AKAP11: variants seen among roughly 807,000 people sequenced by gnomAD.
AKAP11 encodes the protein A-kinase anchoring protein 11.
Under a neutral mutation model 146.1 loss-of-function variants are expected in AKAP11, and 36 were observed. That is an observed-to-expected ratio of 0.25 (90% CI 0.19 to 0.33). The LOEUF is 0.33. Among genes scored for constraint, AKAP11 ranks in the 10% least tolerant of loss-of-function variants. The pLI is 1.00. For missense variants in AKAP11, 2,201 were observed against 2,197.0 expected, an observed-to-expected ratio of 1.00 and a Z score of -0.04; for synonymous variants, 780 against 786.5, an observed-to-expected ratio of 0.99 and a Z score of 0.14.
rs74243135 is a variant in AKAP11 at position 42,278,865 on chromosome 13, A to T, written c.-100+6637A>T. Among the ~76,000 whole-genome samples, 9 of 150,714 alleles carry T rather than the reference A, an allele frequency of 6.0e-5. No individual in the cohort carries two copies. The South Asian group carries it at 1.9e-3, about 32-fold the overall frequency. The stretch of plus-strand genomic sequence containing the variant: ...TGGTGAATTTTCACGGCCCTTATTC[A>T]TGTGAATAAATTTATTTTGCCTTAA... On this transcript the variant is annotated intron_variant, in intron 1 of 12. Transcript: ENST00000025301.
chr13:42,292,732 ATTTAT>A (rs1361364744), intron 4 of AKAP11, among the ~76,000 whole-genome samples: 8 of 152,314 alleles, frequency 5.3e-5, no homozygotes, highest in African/African-American at 1.9e-4. Flanking sequence ...AAATGAGCAC[ATTTAT>A]TTTATGCAGA....
chr13:42,303,431 G>C lies in AKAP11; in HGVS notation c.4685G>C (p.Arg1562Pro), dbSNP rs776520088. The C allele has an allele frequency of 1.9e-6, 3 of 1,614,094 alleles. No individual in the cohort carries two copies. Among genetic ancestry groups the C allele is most frequent in the Non-Finnish European group, 2.5e-6 (3 of 1,180,008 alleles). ...LELTLGSTVFRVSETTKSADR... is the reference protein window; with the variant it reads ...LELTLGSTVFPVSETTKSADR... ...CTAACTCTAGGATCTACAGTGTTCC[G>C]AGTGTCTGAGACCACAAAATCAGCA... is the stretch of plus-strand genomic sequence containing the variant. Residue 1562 changes from arginine to proline, a missense_variant, in exon 8 of 13, where the codon CGA (arginine) becomes CCA (proline). Arg to Pro is a moderately radical substitution (Grantham distance 103, BLOSUM62 -2). Transcript: ENST00000025301.
At chr13:42,273,322 A>G (rs933047482) in intron 1 of AKAP11, among the ~76,000 whole-genome samples, 8 of 151,992 alleles carry the variant, frequency 5.3e-5, no homozygotes, top group Admixed American at 4.6e-4. Context: ...AGTGCCTGGC[A>G]TGATTGGTGT....
chr13:42,302,062 C>A lies in AKAP11; in HGVS notation c.3316C>A (p.Leu1106Ile), dbSNP rs902229460. The A allele has an allele frequency of 1.2e-6, 2 of 1,614,150 alleles. No homozygotes were observed. The highest frequency in any genetic ancestry group is 8.5e-7 in the Non-Finnish European group (1 of 1,180,010). Residue 1106 changes from leucine (L) to isoleucine (I), a missense_variant, in exon 8 of 13, where the codon CTA (leucine) becomes ATA (isoleucine). Coordinates refer to ENST00000025301, the MANE Select transcript of AKAP11 (RefSeq NM_016248.4). ...VIPDTPPSTP[L>I]VPSRASSEWD... The stretch of plus-strand genomic sequence containing the variant: ...ACCTGATACTCCTCCATCAACTCCT[C>A]TAGTACCATCCCGGGCTAGTTCTGA...
At chr13:42,285,312 G>A (rs1419357333) in intron 1 of AKAP11, among the ~76,000 whole-genome samples, 1 of 152,152 alleles carries the variant, frequency 6.6e-6, no homozygotes, top group African/African-American at 2.4e-5. Context: ...TCGAGTAGCT[G>A]AGACTGCAGG....
At position 42,317,587 on chromosome 13, in the gene AKAP11, G is replaced by T; in HGVS notation, c.5464G>T (p.Val1822Leu). ...ITNIDMEPCTVDPQLRIILQW... is the reference protein window; with the variant it reads ...ITNIDMEPCTLDPQLRIILQW... ...GAATATTGACATGGAGCCATGCACG[G>T]TAGACCCCCAGCTAAGGATTATTCT... Residue 1822 changes from valine (V) to leucine (L), a missense_variant, in exon 12 of 13, where the codon GTA (valine) becomes TTA (leucine). Val to Leu is a conservative substitution (Grantham distance 32). Coordinates refer to ENST00000025301, the MANE Select transcript of AKAP11 (RefSeq NM_016248.4). The T allele has an allele frequency of 1.2e-6, 2 of 1,614,162 alleles. No individual in the cohort carries two copies. Among genetic ancestry groups the T allele is most frequent in the Non-Finnish European group, 1.7e-6 (2 of 1,180,006 alleles).
intron 12 of AKAP11, among the ~76,000 whole-genome samples, chr13:42,318,521 T>C (rs890593483): frequency 1.5e-4 from 23 of 152,214 alleles, no homozygotes; most frequent in African/African-American, 5.1e-4. Context: ...AACAAAAGCA[T>C]GTCGTGAGTG....
intron 1 of AKAP11, among the ~76,000 whole-genome samples, chr13:42,281,312 C>G (rs1959052823): frequency 6.6e-6 from 1 of 152,140 alleles, no homozygotes; most frequent in South Asian, 2.1e-4. Context: ...AGTACAGATT[C>G]CTATGTTCCA....
At chr13:42,289,622 C>T (rs1959190889) in intron 3 of AKAP11, among the ~76,000 whole-genome samples, 1 of 152,062 alleles carries the variant, frequency 6.6e-6, no homozygotes, top group African/African-American at 2.4e-5. Context: ...GACCTAATTT[C>T]ACCTACTTTA....
rs760338242 is a variant in AKAP11 at position 42,321,658 on chromosome 13, C to T, written c.*2430C>T. The stretch of plus-strand genomic sequence containing the variant: ...CTAAACTTAACTTTCTGTAAAGGCA[C>T]TTTGTGGTTTTTCCAAAGATGTTCT... On this transcript the variant is annotated 3_prime_UTR_variant, in exon 13 of 13. Transcript: ENST00000025301. The T allele has an allele frequency of 4.2e-4, 64 of 152,210 alleles. No individual in the cohort carries two copies. Among genetic ancestry groups the T allele is most frequent in the Non-Finnish European group, 8.5e-4 (58 of 67,984 alleles). 9.4% of individuals were successfully genotyped at this position (152,210 alleles called of 1,614,324 possible). A position where few individuals can be genotyped will look rare whatever the true frequency, so the allele number is the denominator to read the frequency against.
Position 42,303,648 on chromosome 13 carries a change from T to A in AKAP11, c.4902T>A (p.His1634Gln). Residue 1634 changes from histidine (H) to glutamine (Q), a missense_variant, in exon 8 of 13, where the codon CAT (histidine) becomes CAA (glutamine). His to Gln is a conservative substitution (Grantham distance 24, BLOSUM62 0). This residue lies in a region of AKAP11 where 1,867 missense variants were observed against 1,833.5 expected (regional missense o/e 1.02). Transcript: ENST00000025301. ...SSRYQKSRIF[H>Q]LSVPQIHVNL... is the part of the protein sequence containing the mutation. ...GCTATCAGAAATCTAGGATTTTTCA[T>A]CTCAGTGTCCCTCAGATTCATGTTA... The A allele has an allele frequency of 6.2e-7, 1 of 1,614,184 alleles. No individual in the cohort carries two copies. Among genetic ancestry groups the A allele is most frequent in the South Asian group, 1.1e-5 (1 of 91,086 alleles).
chr13:42,311,564 A>G (rs1042398819), intron 9 of AKAP11, among the ~76,000 whole-genome samples: 5 of 152,034 alleles, frequency 3.3e-5, no homozygotes, highest in African/African-American at 1.2e-4. Flanking sequence ...GTTAGAGGGA[A>G]TTTGAATTTT....
At position 42,317,585 on chromosome 13, in the gene AKAP11, C is replaced by T. The variant is rs138710307; in HGVS notation, c.5462C>T (p.Thr1821Met). ...ACGAATATTGACATGGAGCCATGCA[C>T]GGTAGACCCCCAGCTAAGGATTATT... ...LITNIDMEPC[T>M]VDPQLRIILQ... The change falls in exon 12 of 13, where the codon ACG becomes ATG. Residue 1821 changes from threonine to methionine, a missense_variant. By Grantham distance (81) the Thr-to-Met change is moderately conservative. This residue lies in a region of AKAP11 where 1,867 missense variants were observed against 1,833.5 expected (regional missense o/e 1.02). Coordinates refer to ENST00000025301, the MANE Select transcript of AKAP11 (RefSeq NM_016248.4). The T allele has an allele frequency of 3.1e-5, 50 of 1,613,982 alleles. No homozygotes were observed. The African/African-American group carries it at 3.7e-4, about 12-fold the overall frequency.
chr13:42,312,643 G>C (rs1437526060), intron 9 of AKAP11, among the ~76,000 whole-genome samples: 1 of 152,112 alleles, frequency 6.6e-6, no homozygotes, highest in Non-Finnish European at 1.5e-5. Flanking sequence ...CTAAAGACCT[G>C]AGAGAATGTT....
intron 1 of AKAP11, among the ~76,000 whole-genome samples, chr13:42,279,263 C>CACACA: frequency 6.7e-6 from 1 of 150,174 alleles, no homozygotes; most frequent in African/African-American, 2.5e-5. Context: ...ACGTGCACAC[C>CACACA]CACACACACA....
At chr13:42,280,120 C>T (rs1369883122) in intron 1 of AKAP11, among the ~76,000 whole-genome samples, 1 of 152,206 alleles carries the variant, frequency 6.6e-6, no homozygotes, top group Non-Finnish European at 1.5e-5. Context: ...CCAAACTGAT[C>T]TGTGTTTAAA....
intron 1 of AKAP11, among the ~76,000 whole-genome samples, chr13:42,275,416 G>C (rs1264639610): frequency 6.6e-6 from 1 of 152,244 alleles, no homozygotes; most frequent in Non-Finnish European, 1.5e-5. Context: ...CAGTTGGCTG[G>C]AGAGTGAGGA....
chr13:42,312,855 C>A lies in AKAP11; in HGVS notation c.5274-192C>A, dbSNP rs1960628054. ...ATCTGTTGAGAAGAAAGAAAAAACTCCCGAATCTCTGAACTTGTCAGGCAC... is the reference window on the plus strand; with the variant it reads ...ATCTGTTGAGAAGAAAGAAAAAACTACCGAATCTCTGAACTTGTCAGGCAC... On this transcript the variant is annotated intron_variant, in intron 9 of 12. Transcript: ENST00000025301. Among the ~76,000 whole-genome samples, 3 of 152,196 alleles carry A rather than the reference C, an allele frequency of 2.0e-5. No individual in the cohort carries two copies. The South Asian group carries it at 6.2e-4, about 32-fold the overall frequency.
intron 1 of AKAP11, among the ~76,000 whole-genome samples, chr13:42,274,824 T>C (rs1182045298): frequency 6.6e-6 from 1 of 151,494 alleles, no homozygotes; most frequent in Non-Finnish European, 1.5e-5. Context: ...GGTAGAGGCC[T>C]GGAACAGAGA....
Sources: allele counts gnomAD v4.1 joint callset (sites outside exome capture counted in the v4.1 genomes callset), GRCh38; gene constraint gnomAD v4.1.1; regional missense constraint gnomAD v4.1.1; transcripts MANE v1.5; gene names NCBI Gene and HGNC (gene_info 2026-07-23, HGNC 2026-07-21).